The following PDZD2 variants were observed in gnomAD, a reference collection of about 807,000 sequenced individuals.
The protein encoded by PDZD2 is PDZ domain-containing protein 2.
In PDZD2, 90 loss-of-function variants were observed where a neutral mutation model predicts 220.7. The ratio of observed to expected loss-of-function variants is 0.41; its 90% confidence interval spans 0.34 to 0.49. The LOEUF is 0.49. Ranked by LOEUF, PDZD2 falls within the 20% of genes least tolerant of loss-of-function variation. The probability of loss-of-function intolerance (pLI) is 0.28; values close to 1 mark genes in which losing one functional copy is unlikely to be tolerated. For synonymous variants in PDZD2, 1,375 were observed against 1,450.5 expected (o/e 0.95, Z 1.18); for missense variants, 3,174 against 3,608.5 (o/e 0.88, Z 3.08).
At chr5:32,092,097 AACCCC>A (rs1193991479) in intron 20 of PDZD2, among the ~76,000 whole-genome samples, 5 of 152,048 alleles carry the variant, frequency 3.3e-5, no homozygotes, top group African/African-American at 7.2e-5. Context: ...AACATGGTGA[AACCCC>A]ATCTCTACTA....
At chr5:31,661,785 GTTTT>G (rs5867089) in intron 1 of PDZD2, among the ~76,000 whole-genome samples, 1 of 141,806 alleles carries the variant, frequency 7.1e-6, no homozygotes, top group African/African-American at 2.6e-5. Flanking sequence ...TCCTCCCTTG[GTTTT>G]TTTTTTTTTT....
intron 2 of PDZD2, chr5:31,822,580 G>T: frequency 1.9e-6 from 2 of 1,075,384 alleles, no homozygotes; most frequent in Non-Finnish European, 2.7e-6. Context: ...CTCCTGAATG[G>T]TTCGTTTTTT....
At chr5:31,666,224 G>GC (rs1178934015) in intron 1 of PDZD2, among the ~76,000 whole-genome samples, 2 of 152,202 alleles carry the variant, frequency 1.3e-5, no homozygotes, top group East Asian at 3.9e-4. Flanking sequence ...TGGTTATCCA[G>GC]CCAGCCTCAG....
intron 2 of PDZD2, among the ~76,000 whole-genome samples, chr5:31,842,171 C>T (rs772065725): frequency 8.5e-5 from 13 of 152,192 alleles, no homozygotes; most frequent in Non-Finnish European, 1.5e-4. Flanking sequence ...ACCAGTTCTC[C>T]TCCATTTCAT....
intron 6 of PDZD2, 118 bp downstream of exon 6, chr5:32,010,600 C>T: frequency 2.6e-6 from 2 of 765,488 alleles, no homozygotes; most frequent in Non-Finnish European, 4.7e-6. Flanking sequence ...TGGGAAAAGA[C>T]ACCAGTGCAT....
chr5:32,010,500 C>A lies in PDZD2; in HGVS notation c.1407+18C>A. 6.3e-7 allele frequency: 1 copy of A among 1,589,422 alleles called. No individual in the cohort carries two copies. Among genetic ancestry groups the A allele is most frequent in the South Asian group, 1.1e-5 (1 of 89,970 alleles). On this transcript the variant is annotated intron_variant, in intron 6 of 24. Coordinates refer to ENST00000438447, the MANE Select transcript of PDZD2 (RefSeq NM_178140.4). Reference sequence around the variant, plus strand: ...AGAGAGCAGTAAGTGGCTCTGTGCTCCTGGCTTTCTGTTGGAATTACTTTT... The same window carrying A: ...AGAGAGCAGTAAGTGGCTCTGTGCTACTGGCTTTCTGTTGGAATTACTTTT...
intron 2 of PDZD2, among the ~76,000 whole-genome samples, chr5:31,905,439 G>A (rs978230858): frequency 1.3e-5 from 2 of 152,102 alleles, no homozygotes; most frequent in African/African-American, 4.8e-5. Context: ...AGGATGCTGG[G>A]GTTGCTTTTC....
chr5:31,764,936 G>C (rs1208054477), intron 1 of PDZD2, among the ~76,000 whole-genome samples: 1 of 152,148 alleles, frequency 6.6e-6, no homozygotes, highest in East Asian at 1.9e-4. Flanking sequence ...AACTCTCTGG[G>C]CGTGGTGGTA....
chr5:31,819,037 A>G (rs1370361208), intron 2 of PDZD2, among the ~76,000 whole-genome samples: 1 of 152,078 alleles, frequency 6.6e-6, no homozygotes, highest in Non-Finnish European at 1.5e-5. Context: ...CTCAGTTCAG[A>G]CCTCCATTCT....
intron 6 of PDZD2, among the ~76,000 whole-genome samples, chr5:32,032,960 G>A (rs1389486724): frequency 2.6e-5 from 4 of 152,186 alleles, no homozygotes; most frequent in Non-Finnish European, 5.9e-5. Flanking sequence ...GGAAAATGAT[G>A]CAAACAGGAA....
chr5:31,664,292 C>T (rs1228361586), intron 1 of PDZD2, among the ~76,000 whole-genome samples: 6 of 152,002 alleles, frequency 3.9e-5, no homozygotes, highest in Non-Finnish European at 8.8e-5. Flanking sequence ...CACGCACCAC[C>T]GCACCCAGCT....
At chr5:31,999,263 G>C (rs1051137639) in intron 4 of PDZD2, among the ~76,000 whole-genome samples, 3 of 140,036 alleles carry the variant, frequency 2.1e-5, no homozygotes, top group Non-Finnish European at 4.6e-5. Context: ...TTTTGGGGGG[G>C]GCGGGTGGCG....
At chr5:31,701,401 C>T (rs1000033983) in intron 1 of PDZD2, among the ~76,000 whole-genome samples, 5 of 151,992 alleles carry the variant, frequency 3.3e-5, no homozygotes, top group Non-Finnish European at 5.9e-5. Flanking sequence ...CCATGTTGCC[C>T]GCGCTGGTCT....
At chr5:31,974,580 A>G (rs1749583305) in intron 2 of PDZD2, among the ~76,000 whole-genome samples, 1 of 152,198 alleles carries the variant, frequency 6.6e-6, no homozygotes, top group African/African-American at 2.4e-5. Flanking sequence ...CCAGAGTTTT[A>G]TGGATGTCGG....
chr5:31,921,918 A>G (rs139194520), intron 2 of PDZD2, among the ~76,000 whole-genome samples: 35 of 152,314 alleles, frequency 2.3e-4, no homozygotes, highest in African/African-American at 7.0e-4. Context: ...TAGAAGTACT[A>G]GAAGTTCCAC....
intron 15 of PDZD2, among the ~76,000 whole-genome samples, chr5:32,069,887 G>A (rs547446782): frequency 2.6e-5 from 4 of 152,170 alleles, no homozygotes; most frequent in African/African-American, 9.7e-5. Context: ...CAAATAATTT[G>A]CAAAGGTAAG....
intron 2 of PDZD2, among the ~76,000 whole-genome samples, chr5:31,855,982 G>A (rs1288085591): frequency 1.3e-5 from 2 of 152,204 alleles, no homozygotes; most frequent in African/African-American, 2.4e-5. Context: ...GAAAAAGACT[G>A]TGAATGTAAA....
intron 1 of PDZD2, among the ~76,000 whole-genome samples, chr5:31,779,968 G>T (rs976329256): frequency 5.3e-5 from 8 of 152,220 alleles, no homozygotes; most frequent in African/African-American, 1.9e-4. Flanking sequence ...TTGTGTCTTC[G>T]CTAGAGGATT....
intron 2 of PDZD2, among the ~76,000 whole-genome samples, chr5:31,906,147 GA>G (rs1742623836): frequency 2.3e-4 from 3 of 13,022 alleles, no homozygotes; most frequent in African/African-American, 4.7e-4. Flanking sequence ...TCAGCCTCCC[GA>G]GTAGCTGGGA....
Sources: allele counts gnomAD v4.1 joint callset (sites outside exome capture counted in the v4.1 genomes callset), GRCh38; gene constraint gnomAD v4.1.1; transcripts MANE v1.5; gene names NCBI Gene and HGNC (gene_info 2026-07-23, HGNC 2026-07-21).